SENP6: variants seen among roughly 807,000 people sequenced by gnomAD.
SENP6 encodes the protein sentrin-specific protease 6.
A neutral mutation model predicts 134.5 loss-of-function variants in SENP6; 41 were observed. That is an observed-to-expected ratio of 0.30 (90% CI 0.24 to 0.40). The LOEUF is 0.40. Among genes scored for constraint, SENP6 ranks in the 10% least tolerant of loss-of-function variants. SENP6 has a pLI of 1.00. For synonymous variants in SENP6, 395 were observed against 429.8 expected (o/e 0.92, Z 1.00); for missense variants, 1,248 against 1,312.5 (o/e 0.95, Z 0.76).
chr6:75,690,700 T>G (rs1465442733), intron 16 of SENP6, among the ~76,000 whole-genome samples: 3 of 72,218 alleles, frequency 4.2e-5, no homozygotes, highest in Admixed American at 1.2e-4. Flanking sequence ...TTGTTTTTTG[T>G]TTTTTTTTTT....
At chr6:75,615,359 TA>T (rs781406973) in intron 1 of SENP6, among the ~76,000 whole-genome samples, 2 of 151,936 alleles carry the variant, frequency 1.3e-5, no homozygotes, top group Non-Finnish European at 2.9e-5. Context: ...TTTGTATTTT[TA>T]GTAGAGACGG....
At chr6:75,685,317 C>A (rs993197352) in intron 16 of SENP6, among the ~76,000 whole-genome samples, 1 of 152,008 alleles carries the variant, frequency 6.6e-6, no homozygotes, top group Non-Finnish European at 1.5e-5. Flanking sequence ...TTTTGTTGAT[C>A]TTTTCAAAAA....
intron 7 of SENP6, among the ~76,000 whole-genome samples, chr6:75,656,493 C>T (rs1771350822): frequency 6.6e-6 from 1 of 152,198 alleles, no homozygotes; most frequent in Admixed American, 6.5e-5. Context: ...ATTTGCCATC[C>T]TTGAACCAGT....
At chr6:75,654,589 T>A (rs1357764723) in intron 7 of SENP6, among the ~76,000 whole-genome samples, 1 of 152,238 alleles carries the variant, frequency 6.6e-6, no homozygotes, top group Non-Finnish European at 1.5e-5. Context: ...CAGTAGCAGC[T>A]ACATGATGGA....
At chr6:75,624,543 C>T (rs1202438587) in intron 3 of SENP6, among the ~76,000 whole-genome samples, 4 of 151,878 alleles carry the variant, frequency 2.6e-5, no homozygotes, top group African/African-American at 2.4e-5. Context: ...CCCACACATC[C>T]GTCATAATGT....
At chr6:75,660,156 A>G (rs1256805024) in intron 8 of SENP6, among the ~76,000 whole-genome samples, 3 of 152,108 alleles carry the variant, frequency 2.0e-5, no homozygotes, top group Non-Finnish European at 4.4e-5. Flanking sequence ...TTGTGCCTCA[A>G]ATTGGGTTTG....
intron 5 of SENP6, 34 bp downstream of exon 5, chr6:75,634,845 C>A: frequency 7.4e-7 from 1 of 1,348,948 alleles, no homozygotes; most frequent in Non-Finnish European, 1.1e-6. Context: ...TTAGTATATA[C>A]ATGGCATCTT....
At chr6:75,673,411 C>T (rs1267135334) in intron 11 of SENP6, among the ~76,000 whole-genome samples, 2 of 151,124 alleles carry the variant, frequency 1.3e-5, no homozygotes, top group Non-Finnish European at 2.9e-5. Flanking sequence ...GCAGCCTCCA[C>T]CTCACGGGTT....
At chr6:75,699,938 T>G (rs1476714339) in intron 18 of SENP6, among the ~76,000 whole-genome samples, 1 of 152,140 alleles carries the variant, frequency 6.6e-6, no homozygotes, top group African/African-American at 2.4e-5. Context: ...AGAGACAGAG[T>G]CTCATTCTGT....
intron 3 of SENP6, among the ~76,000 whole-genome samples, chr6:75,633,182 C>G (rs1256276606): frequency 1.6e-4 from 25 of 152,114 alleles, no homozygotes; most frequent in Admixed American, 1.6e-3. Context: ...GGCAAAAGTT[C>G]TTATACATAA....
intron 1 of SENP6, among the ~76,000 whole-genome samples, chr6:75,616,411 G>GTTC (rs1421125292): frequency 6.6e-6 from 1 of 151,914 alleles, no homozygotes; most frequent in Non-Finnish European, 1.5e-5. Flanking sequence ...TTCCATGGAG[G>GTTC]TTCTAATCTA....
intron 1 of SENP6, among the ~76,000 whole-genome samples, chr6:75,604,675 A>G (rs1246038248): frequency 6.6e-6 from 1 of 151,962 alleles, no homozygotes. Flanking sequence ...CTCATAACCA[A>G]TTTTCATATG....
At chr6:75,707,262 A>T (rs1308699840) in intron 19 of SENP6, among the ~76,000 whole-genome samples, 3 of 152,136 alleles carry the variant, frequency 2.0e-5, no homozygotes, top group Non-Finnish European at 4.4e-5. Flanking sequence ...ATGTTATTCA[A>T]ATATAGGTGT....
intron 19 of SENP6, among the ~76,000 whole-genome samples, chr6:75,704,518 C>T (rs1775258584): frequency 6.6e-6 from 1 of 152,242 alleles, no homozygotes; most frequent in Non-Finnish European, 1.5e-5. Context: ...TTTCTCCTAT[C>T]TCAGAATTGA....
chr6:75,649,044 C>T (rs918740976), intron 7 of SENP6, among the ~76,000 whole-genome samples: 20 of 152,066 alleles, frequency 1.3e-4, no homozygotes, highest in African/African-American at 4.6e-4. Context: ...TGGTGGCTCA[C>T]ACCTATAATC....
At chr6:75,673,784 G>T (rs572318610) in intron 11 of SENP6, among the ~76,000 whole-genome samples, 4 of 151,834 alleles carry the variant, frequency 2.6e-5, no homozygotes, top group Non-Finnish European at 5.9e-5. Context: ...ACTTTGGGAG[G>T]CTGAGGCAGG....
chr6:75,659,490 A>G (rs778232014), intron 8 of SENP6, 83 bp downstream of exon 8: 5 of 1,281,226 alleles, frequency 3.9e-6, no homozygotes, highest in Non-Finnish European at 5.5e-6. Flanking sequence ...ATTCTAGGTG[A>G]TCTTTTATCA....
At position 75,681,710 on chromosome 6, in the gene SENP6, T is replaced by C. The variant is rs555849224; in HGVS notation, c.2075+2783T>C. On this transcript the variant is annotated intron_variant, in intron 16 of 23. Transcript: ENST00000447266. ...ATGTTTTAATGAACATGATGACAAC[T>C]CTTGAAACAAATGAAAACTCAAAAC... Among the ~76,000 whole-genome samples the C allele has an allele frequency of 1.6e-4, 24 of 152,104 alleles. 2 individuals carry two copies. In the South Asian group the frequency reaches 4.4e-3, roughly 28 times the overall value.
chr6:75,662,080 A>T (rs908652754), intron 8 of SENP6, among the ~76,000 whole-genome samples: 1 of 151,896 alleles, frequency 6.6e-6, no homozygotes, highest in African/African-American at 2.4e-5. Context: ...AAATAAATAA[A>T]ACAAGATCTG....
Sources: gnomAD v4.1 joint callset for allele counts (sites outside exome capture counted in the v4.1 genomes callset) on GRCh38, gnomAD v4.1.1 for gene constraint, MANE v1.5 for transcripts, NCBI Gene and HGNC (gene_info 2026-07-23, HGNC 2026-07-21) for gene names.